The following DPM1 variants were observed in gnomAD, a reference collection of about 807,000 sequenced individuals.
DPM1 encodes dolichol-phosphate mannosyltransferase subunit 1.
Under a neutral mutation model 39.0 loss-of-function variants are expected in DPM1, and 27 were observed. That is an observed-to-expected ratio of 0.69 (90% CI 0.51 to 0.95). The LOEUF (loss-of-function observed/expected upper bound fraction) is 0.95, where lower values mean the gene tolerates loss of function less well. Ranked by LOEUF, DPM1 falls within the 40% of genes least tolerant of loss-of-function variation. DPM1 has a pLI of 0.00. For synonymous variants in DPM1, 124 were observed against 109.0 expected, an observed-to-expected ratio of 1.14 and a Z score of -0.86; for missense variants, 307 against 315.6, an observed-to-expected ratio of 0.97 and a Z score of 0.21.
At chr20:50,942,295 C>A (rs1985909646) in intron 5 of DPM1, among the ~76,000 whole-genome samples, 169 bp from the exon 6 acceptor site, 2 of 152,120 alleles carry the variant, frequency 1.3e-5, no homozygotes, top group Admixed American at 1.3e-4. Context: ...ATCACGAGGC[C>A]AGGAGTTCAA....
intron 1 of DPM1, among the ~76,000 whole-genome samples, chr20:50,956,666 T>C (rs1422220164): frequency 2.0e-5 from 3 of 152,242 alleles, no homozygotes; most frequent in African/African-American, 7.2e-5. Context: ...CTGTGTTATC[T>C]ATTCTCCAAG....
Position 50,958,392 on chromosome 20 carries a change from C to G in DPM1, c.132G>C (p.Val44=). The G allele has an allele frequency of 6.2e-7, 1 of 1,614,022 alleles. No individual in the cohort carries two copies. The highest frequency in any genetic ancestry group is 8.5e-7 in the Non-Finnish European group (1 of 1,180,048). ...CGGAGAAGCTTTTCACCAGCAGCCACACGATGAGCGGCAGGTTCTCGCGCT... is the reference window on the plus strand; with the variant it reads ...CGGAGAAGCTTTTCACCAGCAGCCAGACGATGAGCGGCAGGTTCTCGCGCT... The part of the protein sequence containing the change: ...YNERENLPLI[V]WLLVKSFSES... Residue 44 remains valine (V), a synonymous_variant, in exon 1 of 9, where the codon GTG becomes GTC. Transcript: ENST00000371588.
At chr20:50,955,863 A>T (rs906609417) in intron 1 of DPM1, among the ~76,000 whole-genome samples, 1 of 152,224 alleles carries the variant, frequency 6.6e-6, no homozygotes, top group Non-Finnish European at 1.5e-5. Context: ...GTGCCCAGCC[A>T]TATGAAATTT....
chr20:50,947,146 C>T (rs766371986), intron 3 of DPM1, among the ~76,000 whole-genome samples: 62 of 152,144 alleles, frequency 4.1e-4, no homozygotes, highest in Non-Finnish European at 7.4e-4. Context: ...AGGCAGAGAT[C>T]GCGGTGAGCC....
chr20:50,936,042 T>C (rs545744208), intron 8 of DPM1, 106 bp downstream of exon 8: 2 of 778,596 alleles, frequency 2.6e-6, no homozygotes, highest in African/African-American at 3.4e-5. Context: ...CTAGAAGACC[T>C]CCACAATTTA....
At chr20:50,951,429 C>T (rs1407148821) in intron 2 of DPM1, among the ~76,000 whole-genome samples, 1 of 152,150 alleles carries the variant, frequency 6.6e-6, no homozygotes, top group Non-Finnish European at 1.5e-5. Context: ...CACATATATG[C>T]ACAAAAAAAC....
intron 2 of DPM1, among the ~76,000 whole-genome samples, chr20:50,952,669 G>T (rs986733865): frequency 6.6e-6 from 1 of 152,144 alleles, no homozygotes; most frequent in Non-Finnish European, 1.5e-5. Context: ...TATCTGGTTG[G>T]TTGGGGTACT....
intron 5 of DPM1, 146 bp from the exon 6 acceptor site, chr20:50,942,272 C>G (rs1601034284): frequency 2.7e-6 from 2 of 740,466 alleles, no homozygotes; most frequent in African/African-American, 3.5e-5. Flanking sequence ...CTTTGGGAGG[C>G]CGAGGCGGGT....
chr20:50,957,341 C>T (rs573948546), intron 1 of DPM1, among the ~76,000 whole-genome samples: 22 of 152,246 alleles, frequency 1.4e-4, no homozygotes, highest in African/African-American at 4.8e-4. Context: ...AGCAATTTGG[C>T]AGTAACTGTC....
rs181077623 is a variant in DPM1, at chr20:50,947,170, C to T, written c.296-1247G>A. Among the ~76,000 whole-genome samples, 114 of 152,056 alleles carry T rather than the reference C, an allele frequency of 7.5e-4. 1 individual carries two copies. The highest frequency in any genetic ancestry group is 2.4e-3 in the African/African-American group (99 of 41,514). ...TCGCGGTGAGCCGAGATCGCGTCAT[C>T]GCACCCCAGCCTGGGCAAGAAGAGC... On this transcript the variant is annotated intron_variant, in intron 3 of 8. Transcript: ENST00000371588.
intron 2 of DPM1, among the ~76,000 whole-genome samples, chr20:50,948,951 C>T (rs1387831813): frequency 2.6e-5 from 4 of 151,916 alleles, no homozygotes; most frequent in Admixed American, 6.6e-5. Context: ...ACCTCTGCCT[C>T]CTGGGTTAAA....
rs1491104436 is a variant in DPM1 at position 50,941,226 on chromosome 20, GAA to G, written c.495-295_495-294del. On this transcript the variant is annotated intron_variant, in intron 6 of 8. Coordinates refer to ENST00000371588, the MANE Select transcript of DPM1 (RefSeq NM_003859.3). ...ACTCCATCACTACAAAAAAAAAAGT[GAA>G]TATATATATATATATATATATATAT... 1.2e-4 allele frequency: 6 copies of G among 49,752 alleles called. No homozygotes were observed. The Admixed American group carries it at 1.5e-3, about 13-fold the overall frequency. 3.1% of individuals were successfully genotyped at this position (49,752 alleles called of 1,614,324 possible). A position where few individuals can be genotyped will look rare whatever the true frequency, so the allele number is the denominator to read the frequency against.
intron 8 of DPM1, 44 bp downstream of exon 8, chr20:50,936,104 C>T (rs1223222123): frequency 2.8e-6 from 4 of 1,406,704 alleles, no homozygotes; most frequent in Non-Finnish European, 4.0e-6. Context: ...CCTTACTGCT[C>T]CTTTACCAGG....
At position 50,940,845 on chromosome 20, in the gene DPM1, A is replaced by G; in HGVS notation, c.563+20T>C. On this transcript the variant is annotated intron_variant, in intron 7 of 8. Coordinates refer to ENST00000371588, the MANE Select transcript of DPM1 (RefSeq NM_003859.3). ...GTTAGCCAAGAAGTTATATAAAAGT[A>G]GTGGAAATTTTCACTGTACCTGAAA... The G allele has an allele frequency of 1.3e-6, 2 of 1,567,968 alleles. No homozygotes were observed. The highest frequency in any genetic ancestry group is 2.7e-5 in the African/African-American group (2 of 74,158).
intron 3 of DPM1, among the ~76,000 whole-genome samples, chr20:50,947,734 C>T (rs2123121634): frequency 6.6e-6 from 1 of 152,068 alleles, no homozygotes; most frequent in East Asian, 1.9e-4. Context: ...GTTCAAGCGA[C>T]TCTCCTGCCT....
intron 1 of DPM1, among the ~76,000 whole-genome samples, chr20:50,955,954 G>A (rs1023849629): frequency 6.6e-6 from 1 of 152,064 alleles, no homozygotes; most frequent in African/African-American, 2.4e-5. Flanking sequence ...ACTTTACATG[G>A]TAACTCAAAC....
intron 5 of DPM1, 92 bp downstream of exon 5, chr20:50,945,645 T>C (rs1568767669): frequency 8.2e-7 from 1 of 1,214,054 alleles, no homozygotes; most frequent in Non-Finnish European, 1.2e-6. Flanking sequence ...AGTATGTGTA[T>C]TTTTGATTAA....
At chr20:50,945,287 TGTGTGTGTGTGTGTGTGTG>T (rs1986202855) in intron 5 of DPM1, among the ~76,000 whole-genome samples, 2 of 42,534 alleles carry the variant, frequency 4.7e-5, no homozygotes, top group African/African-American at 7.0e-4. Flanking sequence ...ATGTGTGTTG[TGTGTGTGTGTGTGTGTGTG>T]TGTGTGTGTG....
rs148430333 is a variant in DPM1 at position 50,942,376 on chromosome 20, G to A, written c.399-250C>T. Among the ~76,000 whole-genome samples, 1,022 of 152,104 alleles carry A rather than the reference G, an allele frequency of 6.7e-3. 6 individuals are homozygous for A. Among genetic ancestry groups the A allele is most frequent in the African/African-American group, 0.019 (795 of 41,498 alleles). On this transcript the variant is annotated intron_variant, in intron 5 of 8. Transcript: ENST00000371588. ...TAAAAATTAGCCTGGCGCGGTGGCG[G>A]GTGCCTGTAATCCCAGCTACTCAGG...
Sources: allele counts gnomAD v4.1 joint callset (sites outside exome capture counted in the v4.1 genomes callset), GRCh38; gene constraint gnomAD v4.1.1; transcripts MANE v1.5; gene names NCBI Gene and HGNC (gene_info 2026-07-23, HGNC 2026-07-21).